MRTFA: variants seen among roughly 807,000 people sequenced by gnomAD.
The protein encoded by MRTFA is myocardin related transcription factor A.
In MRTFA, 20 loss-of-function variants were observed where a neutral mutation model predicts 83.5. The observed-to-expected ratio is 0.24, with a 90% CI of 0.17 to 0.35. The LOEUF is 0.35. Ranked by LOEUF, MRTFA falls within the 10% of genes least tolerant of loss-of-function variation. The pLI is 1.00. For missense variants in MRTFA, 1,200 were observed against 1,224.7 expected (o/e 0.98, Z 0.30); for synonymous variants, 659 against 541.2 (o/e 1.22, Z -3.02).
intron 3 of MRTFA, among the ~76,000 whole-genome samples, chr22:40,467,959 GA>G (rs1164145200): frequency 1.3e-5 from 2 of 152,018 alleles, no homozygotes; most frequent in Admixed American, 1.3e-4. Context: ...TTGCCTGCCA[GA>G]AAAGAATGGA....
intron 3 of MRTFA, among the ~76,000 whole-genome samples, chr22:40,544,889 T>C (rs1035675414): frequency 2.0e-5 from 3 of 151,474 alleles, no homozygotes; most frequent in Non-Finnish European, 4.4e-5. Flanking sequence ...GTGAGCACTA[T>C]CCTCCAGCCT....
intron 7 of MRTFA, among the ~76,000 whole-genome samples, chr22:40,425,186 C>T (rs1347886860): frequency 6.6e-6 from 1 of 152,196 alleles, no homozygotes; most frequent in Admixed American, 6.5e-5. Flanking sequence ...GGGAGGAGGG[C>T]GTAGCACAGA....
chr22:40,441,549 C>T (rs1426993789), intron 4 of MRTFA, among the ~76,000 whole-genome samples: 1 of 152,174 alleles, frequency 6.6e-6, no homozygotes, highest in Non-Finnish European at 1.5e-5. Flanking sequence ...CTTTGGGAGG[C>T]CGAGGCAGGT....
chr22:40,535,595 C>T (rs185108085), intron 3 of MRTFA, among the ~76,000 whole-genome samples: 3 of 152,126 alleles, frequency 2.0e-5, no homozygotes, highest in African/African-American at 7.2e-5. Context: ...TCAAGTGATC[C>T]CCCTGCCTCA....
At chr22:40,620,993 G>A (rs2056516488) in intron 1 of MRTFA, among the ~76,000 whole-genome samples, 1 of 151,836 alleles carries the variant, frequency 6.6e-6, no homozygotes, top group Non-Finnish European at 1.5e-5. Context: ...ACCAGCCTGG[G>A]CAACAAAATG....
chr22:40,533,243 C>A (rs1486498046), intron 3 of MRTFA, among the ~76,000 whole-genome samples: 2 of 152,120 alleles, frequency 1.3e-5, no homozygotes, highest in Non-Finnish European at 2.9e-5. Context: ...TGATTAAAGA[C>A]AACAATGTAT....
chr22:40,442,745 G>T (rs185017808), intron 4 of MRTFA, among the ~76,000 whole-genome samples: 6 of 152,262 alleles, frequency 3.9e-5, no homozygotes, highest in African/African-American at 1.2e-4. Flanking sequence ...TAACCTGGGG[G>T]AACAGTGTGT....
intron 5 of MRTFA, among the ~76,000 whole-genome samples, chr22:40,434,591 G>A (rs185027153): frequency 1.3e-4 from 20 of 152,140 alleles, no homozygotes; most frequent in Admixed American, 1.2e-3. Flanking sequence ...GCGTGGTGGC[G>A]GGAGCCTGTA....
chr22:40,491,810 A>T (rs2054276734), intron 3 of MRTFA, among the ~76,000 whole-genome samples: 1 of 152,204 alleles, frequency 6.6e-6, no homozygotes, highest in African/African-American at 2.4e-5. Flanking sequence ...CTACAGTACT[A>T]TGTTCAGTTA....
intron 1 of MRTFA, among the ~76,000 whole-genome samples, chr22:40,623,909 T>C (rs941826744): frequency 1.3e-4 from 20 of 152,128 alleles, no homozygotes; most frequent in African/African-American, 4.3e-4. Flanking sequence ...TGAACCACAA[T>C]GGGCAACACA....
At chr22:40,421,699 CAAA>C (rs1338226462) in intron 9 of MRTFA, among the ~76,000 whole-genome samples, 1 of 152,130 alleles carries the variant, frequency 6.6e-6, no homozygotes, top group Non-Finnish European at 1.5e-5. Flanking sequence ...TCAGAAGACC[CAAA>C]CTGACCAATA....
chr22:40,461,594 C>A (rs2053713298), intron 4 of MRTFA, among the ~76,000 whole-genome samples: 1 of 145,258 alleles, frequency 6.9e-6, no homozygotes, highest in African/African-American at 2.6e-5. Flanking sequence ...ACCAACCTGG[C>A]TCATACGGTG....
rs2055646401 is a variant in MRTFA at position 40,562,740 on chromosome 22, GGGGGAACGGAC to G, written c.-21-10384_-21-10374del. Reference sequence around the variant, plus strand: ...GAAGGGGGAAGGGGGAAGGGGGGAAGGGGGAACGGACGGAGGGGGGAATGGAGGGAGGGAGG... The same window carrying G: ...GAAGGGGGAAGGGGGAAGGGGGGAAGGGAGGGGGGAATGGAGGGAGGGAGG... On this transcript the variant is annotated intron_variant, in intron 2 of 14. Transcript: ENST00000355630. 6.8e-5 allele frequency among the ~76,000 whole-genome samples: 6 copies of G among 88,626 alleles called. 1 individual carries two copies. In the East Asian group the frequency reaches 1.5e-3, roughly 22 times the overall value. The allele number at this position is 88,626 out of a possible 152,430, so 58.1% of individuals were successfully genotyped here. A position where few individuals can be genotyped will look rare whatever the true frequency, so the allele number is the denominator to read the frequency against.
At chr22:40,482,612 A>G (rs1008123398) in intron 3 of MRTFA, among the ~76,000 whole-genome samples, 1 of 152,138 alleles carries the variant, frequency 6.6e-6, no homozygotes, top group Non-Finnish European at 1.5e-5. Flanking sequence ...GGCCATCTGA[A>G]CACTCCCTTC....
At position 40,509,241 on chromosome 22, in the gene MRTFA, T is replaced by C. The variant is rs557354962; in HGVS notation, c.241+42865A>G. On this transcript the variant is annotated intron_variant, in intron 3 of 14. Transcript: ENST00000355630. ...TGGTCACATTCTAAATATTTCCTGG[T>C]TCACACCTTCCCCTATTAGGGAAAT... is the stretch of plus-strand genomic sequence containing the variant. 4.6e-5 allele frequency among the ~76,000 whole-genome samples: 7 copies of C among 152,334 alleles called. 1 individual carries two copies. The South Asian group carries it at 1.4e-3, about 32-fold the overall frequency.
intron 3 of MRTFA, among the ~76,000 whole-genome samples, chr22:40,531,484 C>T (rs2055082132): frequency 1.3e-5 from 2 of 152,014 alleles, no homozygotes; most frequent in Non-Finnish European, 2.9e-5. Context: ...AAAACATACC[C>T]TGGAACTTTG....
chr22:40,571,980 A>G (rs2055802332), intron 2 of MRTFA, among the ~76,000 whole-genome samples: 1 of 151,544 alleles, frequency 6.6e-6, no homozygotes, highest in African/African-American at 2.4e-5. Flanking sequence ...AAAAATGCTC[A>G]ACATCACTAG....
chr22:40,593,971 G>A (rs915599692), intron 2 of MRTFA, among the ~76,000 whole-genome samples: 1 of 152,210 alleles, frequency 6.6e-6, no homozygotes, highest in Non-Finnish European at 1.5e-5. Context: ...ACCTTGACAG[G>A]AAATATTCTG....
chr22:40,573,642 C>T (rs543502890), intron 2 of MRTFA, among the ~76,000 whole-genome samples: 3 of 152,102 alleles, frequency 2.0e-5, no homozygotes, highest in Non-Finnish European at 4.4e-5. Flanking sequence ...GAATCCCATA[C>T]CTGTAATTCC....
Sources: allele counts gnomAD v4.1 joint callset (sites outside exome capture counted in the v4.1 genomes callset), GRCh38; gene constraint gnomAD v4.1.1; transcripts MANE v1.5; gene names NCBI Gene and HGNC (gene_info 2026-07-23, HGNC 2026-07-21).